The following UBXN2A variants were observed in gnomAD, a reference collection of about 807,000 sequenced individuals.
The protein encoded by UBXN2A is UBX domain-containing protein 2A.
In UBXN2A, 28 loss-of-function variants were observed where a neutral mutation model predicts 28.4. The observed-to-expected ratio is 0.99, with a 90% CI of 0.73 to 1.35. The LOEUF is 1.35. Among genes scored for constraint, UBXN2A ranks in the 40% most tolerant of loss-of-function variants. The pLI, the probability that UBXN2A is intolerant of heterozygous loss-of-function variation, is 0.00. For missense variants in UBXN2A, 253 were observed against 297.9 expected, an observed-to-expected ratio of 0.85 and a Z score of 1.11; for synonymous variants, 97 against 103.6, an observed-to-expected ratio of 0.94 and a Z score of 0.39.
chr2:23,939,292 A>C (rs1263961404), upstream of UBXN2A, among the ~76,000 whole-genome samples: 1 of 152,188 alleles, frequency 6.6e-6, no homozygotes, highest in African/African-American at 2.4e-5. Flanking sequence ...AGTGGAAGAG[A>C]TCCAAGAAAA....
intron 5 of UBXN2A, among the ~76,000 whole-genome samples, chr2:23,983,338 T>C (rs1240656321): frequency 1.3e-5 from 2 of 152,042 alleles, no homozygotes; most frequent in Non-Finnish European, 2.9e-5. Flanking sequence ...AAACCCCGTC[T>C]CTACTAAAAA....
intron 4 of UBXN2A, among the ~76,000 whole-genome samples, chr2:23,979,084 C>T (rs1487205959): frequency 6.6e-6 from 1 of 151,756 alleles, no homozygotes; most frequent in Non-Finnish European, 1.5e-5. Flanking sequence ...GTGGCTCATA[C>T]CTAATCCCAG....
intron 2 of UBXN2A, 25 bp from the exon 3 acceptor site, chr2:23,971,251 G>A: frequency 2.6e-6 from 4 of 1,514,428 alleles, no homozygotes; most frequent in African/African-American, 1.4e-5. Flanking sequence ...AGTTAATAGT[G>A]CCTGTTTTTC....
intron 6 of UBXN2A, among the ~76,000 whole-genome samples, chr2:23,993,459 A>G (rs1211172080): frequency 6.6e-6 from 1 of 152,132 alleles, no homozygotes; most frequent in Non-Finnish European, 1.5e-5. Context: ...CTGGGATTAT[A>G]GGCTTGAGCC....
chr2:23,971,472 G>A lies in UBXN2A; in HGVS notation c.180+58G>A, dbSNP rs1707418806. 6.3e-6 allele frequency: 9 copies of A among 1,429,128 alleles called. No homozygotes were observed. The East Asian group carries it at 2.1e-4, about 34-fold the overall frequency. The allele number at this position is 1,429,128 out of a possible 1,614,324, so 88.5% of individuals were successfully genotyped here. ...TCAGTGTTTCTCAATATATGGACCT[G>A]TTAGAGGGTCCCTAAGGTCAAAATT... On this transcript the variant is annotated intron_variant, in intron 3 of 6. Coordinates refer to ENST00000309033, the MANE Select transcript of UBXN2A (RefSeq NM_181713.4).
At chr2:23,930,429 T>C (rs1019487495) in intron 1 of UBXN2A, among the ~76,000 whole-genome samples, 1 of 152,058 alleles carries the variant, frequency 6.6e-6, no homozygotes, top group African/African-American at 2.4e-5. Flanking sequence ...ACCAGTAAAC[T>C]GCAATACAAT....
chr2:23,955,249 A>G (rs966019136), intron 1 of UBXN2A, among the ~76,000 whole-genome samples: 2 of 152,008 alleles, frequency 1.3e-5, no homozygotes, highest in African/African-American at 4.8e-5. Context: ...ACCATTTTTA[A>G]GTTGCCATTT....
intron 4 of UBXN2A, among the ~76,000 whole-genome samples, chr2:23,979,336 C>T (rs1268496483): frequency 6.6e-6 from 1 of 151,676 alleles, no homozygotes; most frequent in African/African-American, 2.4e-5. Flanking sequence ...CAGAGCGAGA[C>T]TCTGTCTCAA....
At chr2:23,928,412 C>G (rs1056256567) in intron 1 of UBXN2A, among the ~76,000 whole-genome samples, 4 of 151,972 alleles carry the variant, frequency 2.6e-5, no homozygotes, top group African/African-American at 9.7e-5. Context: ...CCCCTCTCTA[C>G]TAAAAATACA....
upstream of UBXN2A, among the ~76,000 whole-genome samples, chr2:23,937,283 AC>A (rs1705558855): frequency 6.6e-6 from 1 of 152,182 alleles, no homozygotes; most frequent in African/African-American, 2.4e-5. Context: ...GGTATCTCAT[AC>A]CTGTAATCCC....
At chr2:23,937,908 G>T (rs532647937), upstream of UBXN2A, among the ~76,000 whole-genome samples, 1 of 152,120 alleles carries the variant, frequency 6.6e-6, no homozygotes, top group Non-Finnish European at 1.5e-5. Context: ...GCATAGCCTT[G>T]CTCCCGGGCT....
At chr2:23,943,871 T>C (rs1409165088) in intron 1 of UBXN2A, 2 of 392,142 alleles carry the variant, frequency 5.1e-6, no homozygotes, top group African/African-American at 2.1e-5. Flanking sequence ...CTGAGACATG[T>C]TGGAGTGGTC....
intron 1 of UBXN2A, chr2:23,944,039 T>TATGTCG: frequency 1.8e-6 from 1 of 570,122 alleles, no homozygotes; most frequent in Admixed American, 2.3e-5. Flanking sequence ...GGTGTCTTCC[T>TATGTCG]ATGTCGATGT....
intron 2 of UBXN2A, among the ~76,000 whole-genome samples, chr2:23,964,003 A>G (rs1269165030): frequency 6.6e-6 from 1 of 152,018 alleles, no homozygotes; most frequent in Non-Finnish European, 1.5e-5. Context: ...TTGGTGACAC[A>G]TACCTGTAGA....
At chr2:23,982,586 A>G (rs1456968659) in intron 4 of UBXN2A, among the ~76,000 whole-genome samples, 2 of 152,120 alleles carry the variant, frequency 1.3e-5, no homozygotes, top group Non-Finnish European at 2.9e-5. Context: ...GCTTGAGCCC[A>G]GGAGTTCAAG....
At chr2:23,949,120 T>TC (rs1411863686) in intron 1 of UBXN2A, among the ~76,000 whole-genome samples, 6 of 147,596 alleles carry the variant, frequency 4.1e-5, no homozygotes, top group African/African-American at 1.2e-4. Flanking sequence ...TTTTTTCTTT[T>TC]TTTTTTTTTT....
Position 23,958,354 on chromosome 2 carries a change from T to C in UBXN2A, c.40T>C (p.Trp14Arg), listed in dbSNP as rs761257103. The change falls in exon 2 of 7, where the codon TGG becomes CGG. Residue 14 changes from tryptophan to arginine, a missense_variant and splice_region_variant. Transcript: ENST00000309033. ...TAACCTCAAAAGTATAAAAGAAGAA[T>C]GGTAAGTTAATTCAAACTGAATTGC... ...VDNLKSIKEE[W>R]VCETGSDNQP... 9 of 1,604,920 alleles carry C rather than the reference T, an allele frequency of 5.6e-6. No individual in the cohort carries two copies. The African/African-American group carries it at 1.1e-4, about 19-fold the overall frequency.
chr2:23,951,120 G>A (rs1706341065), intron 1 of UBXN2A, among the ~76,000 whole-genome samples: 1 of 151,990 alleles, frequency 6.6e-6, no homozygotes, highest in Admixed American at 6.6e-5. Flanking sequence ...TTTCTTTGTT[G>A]TGAGAACATT....
intron 4 of UBXN2A, among the ~76,000 whole-genome samples, chr2:23,981,024 G>A (rs577304815): frequency 2.4e-4 from 36 of 152,004 alleles, no homozygotes; most frequent in African/African-American, 8.0e-4. Context: ...CATGATTTGC[G>A]AATATTTTCT....
Sources: allele counts gnomAD v4.1 joint callset (sites outside exome capture counted in the v4.1 genomes callset), GRCh38; gene constraint gnomAD v4.1.1; transcripts MANE v1.5; gene names NCBI Gene and HGNC (gene_info 2026-07-23, HGNC 2026-07-21).